Variants in PALD1 observed in about 807,000 individuals in gnomAD.
PALD1 encodes phosphatase domain containing paladin 1.
In PALD1, 57 loss-of-function variants were observed where a neutral mutation model predicts 96.0. The observed-to-expected ratio is 0.59, with a 90% CI of 0.48 to 0.74. The LOEUF is 0.74. PALD1 is among the 30% of genes least tolerant of loss of function. The pLI is 0.00. For missense variants in PALD1, 1,063 were observed against 1,143.7 expected (o/e 0.93, Z 1.02); for synonymous variants, 464 against 473.6 (o/e 0.98, Z 0.26).
intron 1 of PALD1, among the ~76,000 whole-genome samples, chr10:70,505,673 A>G (rs1168107128): frequency 6.6e-6 from 1 of 151,890 alleles, no homozygotes; most frequent in Middle Eastern, 3.2e-3. Flanking sequence ...CTGTCTGCCA[A>G]ATACTCATAT....
rs778365316 is a variant in PALD1 at position 70,541,464 on chromosome 10, G to T, written c.2051G>T (p.Gly684Val). Residue 684 changes from glycine (G) to valine (V), a missense_variant and splice_region_variant, in exon 17 of 20, where the codon GGC (glycine) becomes GTC (valine). By Grantham distance (109) the Gly-to-Val change is moderately radical. Transcript: ENST00000263563. ...VAVLAFWHIQ[G>V]FPEVGEEELV... is the part of the protein sequence containing the mutation. ...GTCTCAGCAGCTGTCTTCCCTCAGG[G>T]CTTCCCCGAGGTGGGTGAGGAGGAG... 3 of 1,613,730 alleles carry T rather than the reference G, an allele frequency of 1.9e-6. No homozygotes were observed. Among genetic ancestry groups the T allele is most frequent in the Non-Finnish European group, 2.5e-6 (3 of 1,179,786 alleles).
chr10:70,537,767 A>G, intron 10 of PALD1, 44 bp from the exon 11 acceptor site: 2 of 1,345,578 alleles, frequency 1.5e-6, no homozygotes, highest in Non-Finnish European at 2.1e-6. Flanking sequence ...CAGGGACAAG[A>G]CTGCCTGAGG....
Position 70,534,091 on chromosome 10 carries a change from C to A in PALD1, c.1022+18C>A, listed in dbSNP as rs1308762620. 5 of 1,575,570 alleles carry A rather than the reference C, an allele frequency of 3.2e-6. No homozygotes were observed. The highest frequency in any genetic ancestry group is 2.6e-6 in the Non-Finnish European group (3 of 1,157,770). ...CAGCCAGAGTGAGTGGCCCGGGGCC[C>A]AGCGTCCTGAAGGGCTGTGGGGCCG... On this transcript the variant is annotated intron_variant, in intron 8 of 19. Coordinates refer to ENST00000263563, the MANE Select transcript of PALD1 (RefSeq NM_014431.3).
chr10:70,541,036 G>T, intron 15 of PALD1, 66 bp from the exon 16 acceptor site: 1 of 1,502,908 alleles, frequency 6.7e-7, no homozygotes. Flanking sequence ...ATGTGGATGG[G>T]GACCCTGTTG....
chr10:70,488,853 T>C (rs1846053452), intron 1 of PALD1, among the ~76,000 whole-genome samples: 1 of 150,034 alleles, frequency 6.7e-6, no homozygotes, highest in South Asian at 2.1e-4. Context: ...GACCCGTCCC[T>C]GGGGTCTGGG....
At chr10:70,486,535 C>T (rs563048947) in intron 1 of PALD1, among the ~76,000 whole-genome samples, 10 of 152,074 alleles carry the variant, frequency 6.6e-5, no homozygotes, top group South Asian at 6.2e-4. Context: ...CCGGGGCAGG[C>T]GGATCACTTG....
intron 2 of PALD1, among the ~76,000 whole-genome samples, chr10:70,527,141 G>A (rs756793496): frequency 1.1e-4 from 16 of 152,190 alleles, no homozygotes; most frequent in Non-Finnish European, 1.6e-4. Flanking sequence ...ACGAAGACTC[G>A]TGCCCCAGGC....
intron 1 of PALD1, among the ~76,000 whole-genome samples, chr10:70,499,277 T>G (rs1259343525): frequency 6.6e-6 from 1 of 152,220 alleles, no homozygotes; most frequent in African/African-American, 2.4e-5. Flanking sequence ...TTAGAGTTAT[T>G]TCTTCAAATC....
chr10:70,486,251 C>T (rs893510277), intron 1 of PALD1: 3 of 158,066 alleles, frequency 1.9e-5, no homozygotes, highest in Non-Finnish European at 4.4e-5. Context: ...TGACCAAAAA[C>T]TTGCCCTCCA....
intron 1 of PALD1, chr10:70,486,360 G>T: frequency 6.5e-6 from 1 of 154,064 alleles, no homozygotes; most frequent in South Asian, 1.8e-4. Flanking sequence ...GCCCTGTAGT[G>T]ACTGAACCCT....
chr10:70,558,162 T>C (rs1847653449), intron 18 of PALD1, among the ~76,000 whole-genome samples: 1 of 152,008 alleles, frequency 6.6e-6, no homozygotes, highest in Non-Finnish European at 1.5e-5. Context: ...CCTGGGTTGC[T>C]GGCTCTTCTT....
At chr10:70,534,896 CTGATTT>C in intron 10 of PALD1, 53 bp downstream of exon 10, 1 of 1,202,240 alleles carries the variant, frequency 8.3e-7, no homozygotes, top group African/African-American at 1.5e-5. Flanking sequence ...GCCCTGCAGC[CTGATTT>C]CATTAGGCAT....
chr10:70,490,827 C>T (rs1417964602), intron 1 of PALD1, among the ~76,000 whole-genome samples: 6 of 152,176 alleles, frequency 3.9e-5, no homozygotes, highest in Non-Finnish European at 2.9e-5. Context: ...GCCTAGACTA[C>T]GTGTGAGCAA....
At chr10:70,524,081 G>C (rs1275593755) in intron 1 of PALD1, among the ~76,000 whole-genome samples, 2 of 152,206 alleles carry the variant, frequency 1.3e-5, no homozygotes, top group African/African-American at 4.8e-5. Flanking sequence ...GGGCTGGGGG[G>C]AGTGTGGATG....
intron 1 of PALD1, among the ~76,000 whole-genome samples, chr10:70,490,473 C>T (rs1480534334): frequency 6.6e-6 from 1 of 152,196 alleles, no homozygotes; most frequent in Non-Finnish European, 1.5e-5. Flanking sequence ...TGAAAAACAA[C>T]AACAAACCCC....
At chr10:70,469,432 G>A in the PALD1 span, among the ~76,000 whole-genome samples, 1 of 152,144 alleles carries the variant, frequency 6.6e-6, no homozygotes, top group Admixed American at 6.5e-5. Context: ...AGATTGTCTG[G>A]GGGTGTCTGG....
intron 2 of PALD1, among the ~76,000 whole-genome samples, chr10:70,526,660 G>A (rs982763818): frequency 6.6e-6 from 1 of 152,152 alleles, no homozygotes; most frequent in African/African-American, 2.4e-5. Flanking sequence ...TGCATCCAGA[G>A]GAAGAGGGTT....
At chr10:70,560,490 A>G (rs1220622128) in intron 18 of PALD1, among the ~76,000 whole-genome samples, 1 of 152,210 alleles carries the variant, frequency 6.6e-6, no homozygotes, top group Non-Finnish European at 1.5e-5. Context: ...AAAATGGGAC[A>G]GTCCCGCCTC....
In PALD1 at chr10:70,534,521, A is replaced by G. The variant is rs746571310; in HGVS notation, c.1119A>G (p.Glu373=). ...RMVPQGRRMV[E]EVDRAITACA... Reference sequence around the variant, plus strand: ...TGCCCCAGGGAAGGAGGATGGTGGAAGAGGTGAGTGAGGGACAGCAAAGGG... The same window carrying G: ...TGCCCCAGGGAAGGAGGATGGTGGAGGAGGTGAGTGAGGGACAGCAAAGGG... The change falls in exon 9 of 20, where the codon GAA becomes GAG. Residue 373 remains glutamate, a synonymous_variant. Coordinates refer to ENST00000263563, the MANE Select transcript of PALD1 (RefSeq NM_014431.3). 4 of 1,608,806 alleles carry G rather than the reference A, an allele frequency of 2.5e-6. No homozygotes were observed. The African/African-American group carries it at 5.3e-5, about 22-fold the overall frequency.
Sources: gnomAD v4.1 joint callset for allele counts (sites outside exome capture counted in the v4.1 genomes callset) on GRCh38, gnomAD v4.1.1 for gene constraint, MANE v1.5 for transcripts, NCBI Gene and HGNC (gene_info 2026-07-23, HGNC 2026-07-21) for gene names.